Variants in HMCN2 observed in about 807,000 individuals in gnomAD.
HMCN2 encodes the protein hemicentin 2, also known as hemicentin-2.
A neutral mutation model predicts 377.5 loss-of-function variants in HMCN2; 325 were observed. The ratio of observed to expected loss-of-function variants is 0.86; its 90% CI spans 0.79 to 0.94. The LOEUF is 0.94. Ranked by LOEUF, HMCN2 falls within the 40% of genes least tolerant of loss-of-function variation. HMCN2 has a pLI of 0.00. For missense variants in HMCN2, 4,543 were observed against 4,725.3 expected (o/e 0.96, Z 1.13); for synonymous variants, 2,007 against 2,046.8 (o/e 0.98, Z 0.53).
intron 15 of HMCN2, among the ~76,000 whole-genome samples, chr9:130,310,599 A>G (rs28973223): frequency 8.9e-4 from 82 of 92,292 alleles, no homozygotes; most frequent in East Asian, 3.1e-3. Context: ...CTACCCAGGG[A>G]TGTGAACACC....
At chr9:130,368,568 GGT>G (rs1423066414) in intron 44 of HMCN2, 131 bp downstream of exon 44, 3 of 332,114 alleles carry the variant, frequency 9.0e-6, no homozygotes, top group African/African-American at 2.2e-5. Context: ...TCACGTTCCT[GGT>G]GTGTGAGTCC....
Position 130,284,590 on chromosome 9 carries a change from C to T in HMCN2, c.260-13C>T, listed in dbSNP as rs376071387. 4 of 471,112 alleles carry T rather than the reference C, an allele frequency of 8.5e-6. No individual in the cohort carries two copies. Among genetic ancestry groups the T allele is most frequent in the African/African-American group, 6.0e-5 (3 of 50,114 alleles). 29.2% of individuals were successfully genotyped at this position (471,112 alleles called of 1,614,324 possible). ...TCCCAGCCCATCTGGGCGTCCCTCT[C>T]TCTTCTCCACAGATATTGGCCCAGT... On this transcript the variant is annotated splice_polypyrimidine_tract_variant and intron_variant, in intron 1 of 97. Transcript: ENST00000683500.
rs1840893094 is a variant in HMCN2 at position 130,369,467 on chromosome 9, A to T, written c.6788-103A>T. On this transcript the variant is annotated intron_variant, in intron 44 of 97. Coordinates refer to ENST00000683500, the MANE Select transcript of HMCN2 (RefSeq NM_001291815.2). This position sits in a 1 kb window ranked among gnomAD's most constrained non-coding sequence, Gnocchi z 4.5. ...AGGTCACGAGGTCACACAGCCAGCGATGGCAAGGGGAGAGGGTGTGTCCCT... is the reference window on the plus strand; with the variant it reads ...AGGTCACGAGGTCACACAGCCAGCGTTGGCAAGGGGAGAGGGTGTGTCCCT... The T allele has an allele frequency of 1.6e-6, 1 of 625,482 alleles. No individual in the cohort carries two copies. The allele number at this position is 625,482 out of a possible 1,614,324, so 38.7% of individuals were successfully genotyped here.
intron 92 of HMCN2, 82 bp downstream of exon 92, chr9:130,427,701 C>A: frequency 6.9e-7 from 1 of 1,458,836 alleles, no homozygotes; most frequent in South Asian, 1.4e-5. Context: ...AGGGCCAGGA[C>A]CCTGGCTGGG....
Position 130,405,025 on chromosome 9 carries a change from A to G in HMCN2, c.12305A>G (p.Gln4102Arg), listed in dbSNP as rs997645581. ...GGCGCCGAGGGGAAGTTCACCATCC[A>G]GCCTTCTGGGGAGTTGCTGGTGAAG... ...VSGAEGKFTI[Q>R]PSGELLVKNL... Residue 4102 changes from glutamine to arginine, a missense_variant, in exon 81 of 98, where the codon CAG becomes CGG. By Grantham distance (43) the Gln-to-Arg change is conservative. Coordinates refer to ENST00000683500, the MANE Select transcript of HMCN2 (RefSeq NM_001291815.2). The G allele has an allele frequency of 1.6e-6, 2 of 1,288,978 alleles. No individual in the cohort carries two copies. The highest frequency in any genetic ancestry group is 3.0e-5 in the African/African-American group (2 of 65,870). 79.8% of individuals were successfully genotyped at this position (1,288,978 alleles called of 1,614,324 possible). A position where few individuals can be genotyped will look rare whatever the true frequency, so the allele number is the denominator to read the frequency against.
chr9:130,387,113 G>C (rs936789752), intron 61 of HMCN2, among the ~76,000 whole-genome samples: 2 of 152,302 alleles, frequency 1.3e-5, no homozygotes, highest in African/African-American at 4.8e-5. Flanking sequence ...TCCCCAGGGG[G>C]GCCTGTCCCA....
chr9:130,303,657 G>C lies in HMCN2; in HGVS notation c.1543+49G>C. On this transcript the variant is annotated intron_variant, in intron 10 of 97. Transcript: ENST00000683500. This position sits in a 1 kb window ranked among gnomAD's most constrained non-coding sequence, Gnocchi z 5.2. ...TGTACCCCTTCCTTACCCTCTTCTT[G>C]GGTTCTTACCCCTAGGATTTCCTCC... The C allele has an allele frequency of 4.5e-6, 1 of 219,810 alleles. No individual in the cohort carries two copies. The highest frequency in any genetic ancestry group is 1.1e-5 in the Non-Finnish European group (1 of 94,804). The allele number at this position is 219,810 out of a possible 1,614,324, so 13.6% of individuals were successfully genotyped here. A position where few individuals can be genotyped will look rare whatever the true frequency, so the allele number is the denominator to read the frequency against.
At chr9:130,349,727 G>C (rs1264389564) in intron 29 of HMCN2, 64 bp downstream of exon 29, 1 of 1,268,980 alleles carries the variant, frequency 7.9e-7, no homozygotes, top group Non-Finnish European at 1.0e-6. Context: ...CTGGATGTGG[G>C]GGTTGGGGAA....
At chr9:130,326,487 G>A (rs1838139298) in intron 21 of HMCN2, among the ~76,000 whole-genome samples, 1 of 152,142 alleles carries the variant, frequency 6.6e-6, no homozygotes, top group Admixed American at 6.5e-5. Context: ...ATTCCCCATA[G>A]GGCTGGCGCT....
rs1840913958 is a variant in HMCN2, at chr9:130,369,776, C to T, written c.6994C>T (p.His2332Tyr). 1.0e-6 allele frequency: 1 copy of T among 985,908 alleles called. No homozygotes were observed. The highest frequency in any genetic ancestry group is 1.2e-6 in the Non-Finnish European group (1 of 830,016). 61.1% of individuals were successfully genotyped at this position (985,908 alleles called of 1,614,324 possible). Reference protein sequence around the residue: ...SLHVERAQAAHTGRYSCVAEN... With the variant: ...SLHVERAQAAYTGRYSCVAEN... ...GCATGTGGAGCGGGCCCAGGCTGCCCACACTGGACGCTACAGCTGTGTGGC... is the reference window on the plus strand; with the variant it reads ...GCATGTGGAGCGGGCCCAGGCTGCCTACACTGGACGCTACAGCTGTGTGGC... Residue 2332 changes from histidine to tyrosine, a missense_variant, in exon 45 of 98, where the codon CAC (histidine) becomes TAC (tyrosine). This residue lies in a region of HMCN2 where 1,032 missense variants were observed against 1,285.1 expected (regional missense o/e 0.80). Coordinates refer to ENST00000683500, the MANE Select transcript of HMCN2 (RefSeq NM_001291815.2). This position sits in a 1 kb window ranked among gnomAD's most constrained non-coding sequence, Gnocchi z 4.5.
rs967446103 is a variant in HMCN2, at chr9:130,306,217, C to G, written c.1905C>G (p.Pro635=). Residue 635 remains proline (P), a synonymous_variant, in exon 12 of 98, where the codon CCC becomes CCG. Transcript: ENST00000683500. The part of the protein sequence containing the change: ...VKVSCSASGY[P]TPHISWSRES... ...TCAGCTGCTCAGCCTCTGGATACCC[C>G]ACACCCCACATCTCCTGGAGCCGTG... 6.4e-6 allele frequency: 3 copies of G among 470,986 alleles called. No homozygotes were observed. Among genetic ancestry groups the G allele is most frequent in the African/African-American group, 6.0e-5 (3 of 50,060 alleles). 29.2% of individuals were successfully genotyped at this position (470,986 alleles called of 1,614,324 possible).
At chr9:130,402,662 C>A in intron 77 of HMCN2, 127 bp from the exon 78 acceptor site, 1 of 461,220 alleles carries the variant, frequency 2.2e-6, no homozygotes, top group Non-Finnish European at 3.8e-6. Context: ...ATCCCCCAGA[C>A]TGTTTGTAAA....
intron 85 of HMCN2, among the ~76,000 whole-genome samples, chr9:130,417,392 C>A (rs1043601522): frequency 2.0e-5 from 3 of 151,730 alleles, no homozygotes; most frequent in African/African-American, 7.3e-5. Flanking sequence ...CGTGGTGGCA[C>A]ACACCTGTAA....
chr9:130,357,569 A>T (rs929418759), intron 34 of HMCN2, among the ~76,000 whole-genome samples: 12 of 152,282 alleles, frequency 7.9e-5, no homozygotes, highest in African/African-American at 2.9e-4. Flanking sequence ...GGATAGGTAG[A>T]TGAATAAATG....
chr9:130,425,650 C>T, intron 89 of HMCN2, 37 bp from the exon 90 acceptor site: 4 of 1,286,110 alleles, frequency 3.1e-6, no homozygotes, highest in Non-Finnish European at 4.4e-6. Context: ...CCCTCTCCCC[C>T]ACCCCTCCTC....
chr9:130,410,116 G>A (rs1843334398), intron 84 of HMCN2, among the ~76,000 whole-genome samples: 1 of 152,192 alleles, frequency 6.6e-6, no homozygotes, highest in Non-Finnish European at 1.5e-5. Flanking sequence ...ATACAACAGA[G>A]GTGTCTCATG....
intron 44 of HMCN2, among the ~76,000 whole-genome samples, chr9:130,368,909 G>A (rs1840853370): frequency 6.6e-6 from 1 of 152,058 alleles, no homozygotes; most frequent in Non-Finnish European, 1.5e-5. Context: ...ATTACAATTC[G>A]AGATGAGATT....
Position 130,394,257 on chromosome 9 carries a change from G to A in HMCN2, c.10502-128G>A, listed in dbSNP as rs904802243. On this transcript the variant is annotated intron_variant, in intron 68 of 97. Transcript: ENST00000683500. This position sits in a 1 kb window ranked among gnomAD's most constrained non-coding sequence, Gnocchi z 5.1. Reference sequence around the variant, plus strand: ...GGTTTCTTTCCACCAAACCTTGGTGGCAGATGCAAGAACAAGGGCCACCAA... The same window carrying A: ...GGTTTCTTTCCACCAAACCTTGGTGACAGATGCAAGAACAAGGGCCACCAA... The A allele has an allele frequency of 1.6e-6, 1 of 609,364 alleles. No individual in the cohort carries two copies. 37.7% of individuals were successfully genotyped at this position (609,364 alleles called of 1,614,324 possible).
intron 1 of HMCN2, among the ~76,000 whole-genome samples, chr9:130,283,270 A>T (rs907916544): frequency 5.1e-4 from 77 of 152,066 alleles, no homozygotes; most frequent in African/African-American, 1.8e-3. Context: ...TATTTTTTAA[A>T]AAAAAAAAAC....
Sources: gnomAD v4.1 joint callset for allele counts (sites outside exome capture counted in the v4.1 genomes callset) on GRCh38, gnomAD v4.1.1 for gene constraint, gnomAD v4.1.1 regional missense constraint, Gnocchi (gnomAD v3.1) non-coding constraint, MANE v1.5 for transcripts, NCBI Gene and HGNC (gene_info 2026-07-23, HGNC 2026-07-21) for gene names.